The following FSTL4 variants were observed in gnomAD, a reference collection of about 807,000 sequenced individuals.
FSTL4 encodes the protein follistatin-related protein 4.
Under a neutral mutation model 78.2 loss-of-function variants are expected in FSTL4, and 28 were observed. The observed-to-expected ratio is 0.36, with a 90% confidence interval of 0.27 to 0.49. The LOEUF is 0.49. FSTL4 is among the 20% of genes least tolerant of loss of function. The pLI is 0.98. For missense variants in FSTL4, 922 were observed against 1,084.9 expected (o/e 0.85, Z 2.11); for synonymous variants, 422 against 440.5 (o/e 0.96, Z 0.53).
At chr5:133,619,558 C>G in the FSTL4 span, among the ~76,000 whole-genome samples, 1 of 152,194 alleles carries the variant, frequency 6.6e-6, no homozygotes, top group Non-Finnish European at 1.5e-5. Flanking sequence ...GCGTTTTGTA[C>G]ATTATTTGCC....
chr5:133,259,957 C>T (rs1464855576), intron 6 of FSTL4, among the ~76,000 whole-genome samples: 1 of 152,078 alleles, frequency 6.6e-6, no homozygotes, highest in African/African-American at 2.4e-5. Context: ...TTGATGATAA[C>T]CCCCTAACCC....
the FSTL4 span, among the ~76,000 whole-genome samples, chr5:133,706,172 C>T: frequency 2.6e-5 from 4 of 152,314 alleles, no homozygotes; most frequent in African/African-American, 7.2e-5. Flanking sequence ...TCTCTCCAAA[C>T]CCTATCTGTT....
chr5:133,408,786 G>GGGATTGCCCCTTACA (rs1460586342), intron 3 of FSTL4, among the ~76,000 whole-genome samples: 4 of 152,156 alleles, frequency 2.6e-5, no homozygotes, highest in African/African-American at 9.7e-5. Context: ...TGGTCCTTAC[G>GGGATTGCCCCTTACA]GGATTGCCCC....
chr5:133,498,230 T>G (rs566861739), intron 3 of FSTL4, among the ~76,000 whole-genome samples: 1 of 152,346 alleles, frequency 6.6e-6, no homozygotes, highest in East Asian at 1.9e-4. Context: ...CTGTTGGGGC[T>G]AATCCCACAT....
chr5:133,264,677 T>C (rs1752605611), intron 6 of FSTL4, among the ~76,000 whole-genome samples: 1 of 152,240 alleles, frequency 6.6e-6, no homozygotes, highest in South Asian at 2.1e-4. Flanking sequence ...TTCCCTTATA[T>C]GGGACATTTC....
At chr5:133,453,304 C>T (rs1757418242) in intron 3 of FSTL4, among the ~76,000 whole-genome samples, 2 of 152,122 alleles carry the variant, frequency 1.3e-5, no homozygotes, top group South Asian at 4.1e-4. Flanking sequence ...TCATAATTCC[C>T]ACGGTCTTCA....
the FSTL4 span, among the ~76,000 whole-genome samples, chr5:133,709,838 GT>G: frequency 6.6e-6 from 1 of 152,210 alleles, no homozygotes; most frequent in African/African-American, 2.4e-5. Context: ...TCACTTTTAT[GT>G]TGGAGATTAA....
intron 3 of FSTL4, among the ~76,000 whole-genome samples, chr5:133,434,427 T>C (rs76461613): frequency 0.02 from 2,983 of 152,312 alleles, 96 homozygotes; most frequent in African/African-American, 0.068. Context: ...AACATTCTTT[T>C]TGTGACTATT....
At chr5:133,674,920 C>T in the FSTL4 span, among the ~76,000 whole-genome samples, 1 of 152,284 alleles carries the variant, frequency 6.6e-6, no homozygotes, top group Admixed American at 6.5e-5. Flanking sequence ...GTATTGAGTT[C>T]ATCCTATGTT....
the FSTL4 span, among the ~76,000 whole-genome samples, chr5:133,722,266 C>T: frequency 2.0e-5 from 3 of 152,124 alleles, no homozygotes; most frequent in African/African-American, 7.2e-5. Flanking sequence ...AGAATCTAGC[C>T]ATGCCTGATG....
At position 133,561,479 on chromosome 5, in the gene FSTL4, T is replaced by C. The variant is rs1759911281; in HGVS notation, c.160+5707A>G. On this transcript the variant is annotated intron_variant, in intron 3 of 15. Transcript: ENST00000265342. ...TGAGGGGATTTTTCTGGTGTCATTC[T>C]GGGGGAAAAGTTTCACCCTCTGAGA... 2.0e-5 allele frequency among the ~76,000 whole-genome samples: 3 copies of C among 152,250 alleles called. No individual in the cohort carries two copies. In the East Asian group the frequency reaches 5.8e-4, roughly 29 times the overall value.
rs1751319941 is a variant in FSTL4, at chr5:133,225,938, G to A, written c.1016-119C>T. ...AACCCAAGTAGGTGACTGGAGTTCTGTGTTTAACCAAATTATAATAATCCT... is the reference window on the plus strand; with the variant it reads ...AACCCAAGTAGGTGACTGGAGTTCTATGTTTAACCAAATTATAATAATCCT... On this transcript the variant is annotated intron_variant, in intron 8 of 15. Coordinates refer to ENST00000265342, the MANE Select transcript of FSTL4 (RefSeq NM_015082.2). This position sits in a 1 kb window ranked among gnomAD's most constrained non-coding sequence, Gnocchi z 4.6. 4 of 635,022 alleles carry A rather than the reference G, an allele frequency of 6.3e-6. No homozygotes were observed. The Admixed American group carries it at 8.5e-5, about 13-fold the overall frequency. The allele number at this position is 635,022 out of a possible 1,614,324, so 39.3% of individuals were successfully genotyped here.
chr5:133,777,913 C>T, the FSTL4 span, among the ~76,000 whole-genome samples: 1 of 152,218 alleles, frequency 6.6e-6, no homozygotes, highest in Admixed American at 6.5e-5. Flanking sequence ...AGAATGGACA[C>T]TAAGAAGCAA....
chr5:133,307,926 G>A (rs1363344586), intron 6 of FSTL4, among the ~76,000 whole-genome samples: 1 of 151,906 alleles, frequency 6.6e-6, no homozygotes, highest in Non-Finnish European at 1.5e-5. Context: ...GACTACAGGC[G>A]CCCACCACCA....
intron 3 of FSTL4, among the ~76,000 whole-genome samples, chr5:133,559,830 T>C (rs1250886750): frequency 6.6e-6 from 1 of 152,130 alleles, no homozygotes; most frequent in Non-Finnish European, 1.5e-5. Context: ...TCTCTGAGGA[T>C]GGTAGTTAAG....
At chr5:133,247,985 C>G (rs993447605) in intron 7 of FSTL4, 1 of 152,284 alleles carries the variant, frequency 6.6e-6, no homozygotes, top group Non-Finnish European at 1.5e-5. Context: ...GTCTCTCTCC[C>G]CACAAGTCTC....
rs1325344401 is a variant in FSTL4, at chr5:133,611,141, G to C, written c.-11+1184C>G. ...TGTGGCCGCGCCATTCATCAGTGTC[G>C]GCGGCCCGCGGCCGCGAGCGAGGGC... On this transcript the variant is annotated intron_variant, in intron 1 of 15. Coordinates refer to ENST00000265342, the MANE Select transcript of FSTL4 (RefSeq NM_015082.2). The surrounding 1 kb of genome is among the most constrained non-coding windows in gnomAD (Gnocchi z 4.9). Among the ~76,000 whole-genome samples, 2 of 151,956 alleles carry C rather than the reference G, an allele frequency of 1.3e-5. No individual in the cohort carries two copies. The highest frequency in any genetic ancestry group is 2.9e-5 in the Non-Finnish European group (2 of 67,930).
chr5:133,579,119 A>G (rs1760345322), intron 2 of FSTL4, among the ~76,000 whole-genome samples: 1 of 152,174 alleles, frequency 6.6e-6, no homozygotes, highest in Non-Finnish European at 1.5e-5. Context: ...GAGCTGCTTA[A>G]CCCCAAAAGC....
the FSTL4 span, among the ~76,000 whole-genome samples, chr5:133,748,086 C>T: frequency 2.0e-5 from 3 of 151,856 alleles, no homozygotes; most frequent in Admixed American, 6.6e-5. Context: ...CCCAGCTACT[C>T]GAGAGGCTGA....
Sources: allele counts gnomAD v4.1 joint callset (sites outside exome capture counted in the v4.1 genomes callset), GRCh38; gene constraint gnomAD v4.1.1; non-coding constraint Gnocchi (gnomAD v3.1); transcripts MANE v1.5; gene names NCBI Gene and HGNC (gene_info 2026-07-23, HGNC 2026-07-21).